UVRAG: variants seen among roughly 807,000 people sequenced by gnomAD.
UVRAG encodes UV radiation resistance-associated gene protein.
In UVRAG, 19 loss-of-function variants were observed where a neutral mutation model predicts 78.0. The ratio of observed to expected loss-of-function variants is 0.24; its 90% confidence interval spans 0.17 to 0.36. The LOEUF (loss-of-function observed/expected upper bound fraction) is 0.36, where lower values mean the gene tolerates loss of function less well. Ranked by LOEUF, UVRAG falls within the 10% of genes least tolerant of loss-of-function variation. UVRAG has a pLI of 1.00. For missense variants in UVRAG, 740 were observed against 853.8 expected, an observed-to-expected ratio of 0.87 and a Z score of 1.66; for synonymous variants, 323 against 324.6, an observed-to-expected ratio of 1.00 and a Z score of 0.05.
intron 8 of UVRAG, among the ~76,000 whole-genome samples, chr11:76,002,007 G>A (rs150669628): frequency 6.6e-6 from 1 of 152,306 alleles, no homozygotes; most frequent in African/African-American, 2.4e-5. Context: ...CAGGACGTAT[G>A]CATGCTCTTA....
intron 8 of UVRAG, among the ~76,000 whole-genome samples, chr11:75,999,136 G>A (rs57998123): frequency 0.043 from 6,549 of 151,614 alleles, 253 homozygotes; most frequent in East Asian, 0.2. Flanking sequence ...GGGAGGCTGA[G>A]GCAGGAGAAT....
chr11:75,957,336 C>T (rs1948819379), intron 6 of UVRAG, among the ~76,000 whole-genome samples: 1 of 151,190 alleles, frequency 6.6e-6, no homozygotes, highest in Non-Finnish European at 1.5e-5. Flanking sequence ...ACTGATTTGC[C>T]TTCATTCCTT....
intron 8 of UVRAG, among the ~76,000 whole-genome samples, chr11:75,988,015 G>A (rs1949534814): frequency 6.6e-6 from 1 of 152,188 alleles, no homozygotes; most frequent in African/African-American, 2.4e-5. Flanking sequence ...TGCGATTACA[G>A]GCATGAGCCA....
intron 14 of UVRAG, among the ~76,000 whole-genome samples, chr11:76,135,468 G>T (rs765229070): frequency 6.6e-6 from 1 of 152,136 alleles, no homozygotes; most frequent in Non-Finnish European, 1.5e-5. Context: ...CTCCCTCATC[G>T]TGCCATTGTT....
chr11:76,133,227 G>A (rs561720151), intron 14 of UVRAG, among the ~76,000 whole-genome samples: 1 of 152,198 alleles, frequency 6.6e-6, no homozygotes, highest in Admixed American at 6.5e-5. Context: ...AATCCTTACT[G>A]CAGTAACTAT....
At chr11:76,138,984 C>G (rs754596499) in intron 14 of UVRAG, among the ~76,000 whole-genome samples, 1 of 152,312 alleles carries the variant, frequency 6.6e-6, no homozygotes, top group African/African-American at 2.4e-5. Flanking sequence ...AAACCTAGAT[C>G]GAGGCCAGCA....
intron 14 of UVRAG, among the ~76,000 whole-genome samples, chr11:76,130,372 C>T (rs1952492814): frequency 6.6e-6 from 1 of 152,168 alleles, no homozygotes; most frequent in African/African-American, 2.4e-5. Context: ...TGAACCATGG[C>T]TTTTTTCCAA....
intron 5 of UVRAG, among the ~76,000 whole-genome samples, chr11:75,902,396 C>T (rs1407938190): frequency 6.6e-6 from 1 of 152,184 alleles, no homozygotes; most frequent in Non-Finnish European, 1.5e-5. Context: ...TTCGAGCTCC[C>T]ATGAAAATCT....
chr11:75,975,089 T>C (rs556383891), intron 7 of UVRAG, among the ~76,000 whole-genome samples: 98 of 152,290 alleles, frequency 6.4e-4, no homozygotes, highest in South Asian at 2.7e-3. Flanking sequence ...TTTCAGCTTT[T>C]GACATATGGC....
intron 8 of UVRAG, among the ~76,000 whole-genome samples, chr11:76,000,529 G>A (rs1307692646): frequency 6.6e-6 from 1 of 151,958 alleles, no homozygotes; most frequent in South Asian, 2.1e-4. Context: ...GATTGCTTGA[G>A]TTGAGGAGTT....
At chr11:76,104,215 A>G (rs1257488575) in intron 13 of UVRAG, among the ~76,000 whole-genome samples, 1 of 152,208 alleles carries the variant, frequency 6.6e-6, no homozygotes, top group Non-Finnish European at 1.5e-5. Context: ...ATTAAATGAG[A>G]TGACATAAGT....
chr11:75,818,695 T>C (rs904894988), intron 1 of UVRAG, among the ~76,000 whole-genome samples: 1 of 152,154 alleles, frequency 6.6e-6, no homozygotes, highest in Non-Finnish European at 1.5e-5. Flanking sequence ...GCCAGGCTGG[T>C]CTGGAACCCC....
intron 1 of UVRAG, among the ~76,000 whole-genome samples, chr11:75,832,777 C>T (rs927048933): frequency 6.6e-6 from 1 of 152,170 alleles, no homozygotes; most frequent in African/African-American, 2.4e-5. Flanking sequence ...TGAGGGACTC[C>T]CAGCCACCAG....
At chr11:75,996,295 A>G (rs146060193) in intron 8 of UVRAG, among the ~76,000 whole-genome samples, 233 of 152,294 alleles carry the variant, frequency 1.5e-3, no homozygotes, top group African/African-American at 5.5e-3. Context: ...AGAAGTAAAA[A>G]GAGAGCATAT....
At chr11:75,922,401 A>G (rs1374605890) in intron 6 of UVRAG, among the ~76,000 whole-genome samples, 1 of 152,110 alleles carries the variant, frequency 6.6e-6, no homozygotes, top group Non-Finnish European at 1.5e-5. Context: ...ATTTAGTAAT[A>G]TATCTAATTG....
intron 1 of UVRAG, among the ~76,000 whole-genome samples, chr11:75,831,533 A>G (rs1283603706): frequency 6.6e-6 from 1 of 152,068 alleles, no homozygotes; most frequent in African/African-American, 2.4e-5. Context: ...AGTGGGTAAG[A>G]CAAATATGTC....
At chr11:76,116,105 C>T (rs1167665593) in intron 14 of UVRAG, 90 bp downstream of exon 14, 1 of 1,243,240 alleles carries the variant, frequency 8.0e-7, no homozygotes, top group Non-Finnish European at 1.1e-6. Context: ...CCACACCTGC[C>T]TCTGAGTTTT....
chr11:76,018,590 G>A (rs970391670), intron 12 of UVRAG, among the ~76,000 whole-genome samples: 2 of 152,098 alleles, frequency 1.3e-5, no homozygotes, highest in African/African-American at 4.8e-5. Flanking sequence ...TGTATTTTTA[G>A]TAGAGACGAG....
chr11:76,114,332 T>A lies in UVRAG; in HGVS notation c.1306-1592T>A, dbSNP rs1448929990. Among the ~76,000 whole-genome samples, 5 of 152,162 alleles carry A rather than the reference T, an allele frequency of 3.3e-5. No individual in the cohort carries two copies. The East Asian group carries it at 7.7e-4, about 23-fold the overall frequency. ...GGTGATTTAGGTCACCAAGCTAGGT[T>A]TGAAAAAGGAAAAAACTATTTTCCT... On this transcript the variant is annotated intron_variant, in intron 13 of 14. Coordinates refer to ENST00000356136, the MANE Select transcript of UVRAG (RefSeq NM_003369.4).
Sources: allele counts gnomAD v4.1 joint callset (sites outside exome capture counted in the v4.1 genomes callset), GRCh38; gene constraint gnomAD v4.1.1; transcripts MANE v1.5; gene names NCBI Gene and HGNC (gene_info 2026-07-23, HGNC 2026-07-21).